Variants in NFKB2 observed in about 807,000 individuals in gnomAD.
The protein encoded by NFKB2 is nuclear factor NF-kappa-B p100 subunit.
NFKB2 carries 21 observed loss-of-function variants against 109.3 expected under a neutral mutation model. That is an observed-to-expected ratio of 0.19 (90% CI 0.14 to 0.28). The LOEUF (loss-of-function observed/expected upper bound fraction) is 0.28, where lower values mean the gene tolerates loss of function less well. Ranked by LOEUF, NFKB2 falls within the 10% of genes least tolerant of loss-of-function variation. The pLI is 1.00. For missense variants in NFKB2, 806 were observed against 1,185.3 expected (o/e 0.68, Z 4.70); for synonymous variants, 478 against 489.9 (o/e 0.98, Z 0.32).
At chr10:102,399,959 T>A in intron 14 of NFKB2, 121 bp from the exon 15 acceptor site, 1 of 1,133,216 alleles carries the variant, frequency 8.8e-7, no homozygotes, top group South Asian at 1.4e-5. Flanking sequence ...GGCACAGCGA[T>A]GCCCTGGGCC....
chr10:102,399,400 G>A lies in NFKB2; in HGVS notation c.1230G>A (p.Thr410=), dbSNP rs2135434966. The change falls in exon 13 of 23, where the codon ACG becomes ACA. Residue 410 remains threonine, a synonymous_variant. Transcript: ENST00000661543. ...GGGGGAQMAA[T]VPSRDSGEEA... ...GGGGCGGGGCGCAGATGGCCGCCACGGTGCCCAGCAGGGACTCCGGGGAGG... is the reference window on the plus strand; with the variant it reads ...GGGGCGGGGCGCAGATGGCCGCCACAGTGCCCAGCAGGGACTCCGGGGAGG... 1.9e-6 allele frequency: 3 copies of A among 1,540,090 alleles called. No individual in the cohort carries two copies. The highest frequency in any genetic ancestry group is 2.6e-6 in the Non-Finnish European group (3 of 1,141,986).
Position 102,398,984 on chromosome 10 carries a change from A to T in NFKB2, c.1117+120A>T. 1 of 1,136,492 alleles carries T rather than the reference A, an allele frequency of 8.8e-7. No homozygotes were observed. The highest frequency in any genetic ancestry group is 1.2e-6 in the Non-Finnish European group (1 of 810,336). The allele number at this position is 1,136,492 out of a possible 1,614,324, so 70.4% of individuals were successfully genotyped here. A position where few individuals can be genotyped will look rare whatever the true frequency, so the allele number is the denominator to read the frequency against. On this transcript the variant is annotated intron_variant, in intron 12 of 22. Coordinates refer to ENST00000661543, the MANE Select transcript of NFKB2 (RefSeq NM_001322934.2). This position sits in a 1 kb window ranked among gnomAD's most constrained non-coding sequence, Gnocchi z 6.6. The stretch of plus-strand genomic sequence containing the variant: ...ATCCAGCCCTTTGGGAGGCCAAGGC[A>T]GGCAGATTACCTGAGATCAGGAGTT...
rs1171648994 is a variant in NFKB2, at chr10:102,401,117, C to T, written c.2072-63C>T. On this transcript the variant is annotated intron_variant, in intron 18 of 22. Coordinates refer to ENST00000661543, the MANE Select transcript of NFKB2 (RefSeq NM_001322934.2). The surrounding 1 kb of genome is among the most constrained non-coding windows in gnomAD (Gnocchi z 4.2). ...GGGAGAGAGGTGCCTCCCAGTCCCC[C>T]GACTTTGCAGTCCTTAATGTAGGCC... 22 of 1,610,228 alleles carry T rather than the reference C, an allele frequency of 1.4e-5. No homozygotes were observed. The highest frequency in any genetic ancestry group is 1.5e-5 in the Non-Finnish European group (18 of 1,177,312).
intron 14 of NFKB2, 109 bp downstream of exon 14, chr10:102,399,827 T>G: frequency 7.1e-7 from 1 of 1,405,672 alleles, no homozygotes. Context: ...AAGTCCGGCC[T>G]CGGTGTTCAC....
upstream of NFKB2, among the ~76,000 whole-genome samples, chr10:102,395,273 C>T (rs1055124909): frequency 1.1e-4 from 16 of 152,308 alleles, no homozygotes; most frequent in African/African-American, 3.8e-4. Flanking sequence ...GGGCAGAACC[C>T]CGGGGCCTCC....
chr10:102,397,437 G>C lies in NFKB2; in HGVS notation c.502+29G>C. On this transcript the variant is annotated intron_variant, in intron 7 of 22. Transcript: ENST00000661543. This position sits in a 1 kb window ranked among gnomAD's most constrained non-coding sequence, Gnocchi z 4.7. ...TGGGTGCAGGGGGTGGGTCGGGTAT[G>C]GGTGCAGGGGGTGGGTGGGTCATGG... 6.3e-7 allele frequency: 1 copy of C among 1,586,158 alleles called. No homozygotes were observed. The highest frequency in any genetic ancestry group is 8.6e-7 in the Non-Finnish European group (1 of 1,167,604).
chr10:102,401,797 A>G lies in NFKB2; in HGVS notation c.2346A>G (p.Leu782=). The change falls in exon 21 of 23, where the codon CTA becomes CTG. Residue 782 remains leucine, a synonymous_variant. Coordinates refer to ENST00000661543, the MANE Select transcript of NFKB2 (RefSeq NM_001322934.2). The surrounding 1 kb of genome is among the most constrained non-coding windows in gnomAD (Gnocchi z 4.2). ...DTALQNLEQL[L]DGPEAQGSWA... is the part of the protein sequence containing the mutation. ...CTCTGCAGAACCTGGAGCAGCTGCTAGACGGGCCAGAAGCCCAGGGCAGCT... is the reference window on the plus strand; with the variant it reads ...CTCTGCAGAACCTGGAGCAGCTGCTGGACGGGCCAGAAGCCCAGGGCAGCT... The G allele has an allele frequency of 6.2e-7, 1 of 1,613,726 alleles. No individual in the cohort carries two copies.
In NFKB2 at chr10:102,396,998, A is replaced by C; in HGVS notation, c.338A>C (p.Gln113Pro). 6.2e-7 allele frequency: 1 copy of C among 1,613,776 alleles called. No homozygotes were observed. The highest frequency in any genetic ancestry group is 1.3e-5 in the African/African-American group (1 of 75,038). Reference protein sequence around the residue: ...RAHAHSLVGKQCSELGICAVS... With the variant: ...RAHAHSLVGKPCSELGICAVS... ...CATGCCCACAGTCTGGTGGGCAAGC[A>C]ATGCTCGGAGCTGGGGATCTGCGCC... The change falls in exon 6 of 23, where the codon CAA becomes CCA. Residue 113 changes from glutamine (Q) to proline (P), a missense_variant. This residue lies in a region of NFKB2 where 62 missense variants were observed against 102.2 expected (regional missense o/e 0.61). Transcript: ENST00000661543. The surrounding 1 kb of genome is among the most constrained non-coding windows in gnomAD (Gnocchi z 5.9).
In NFKB2 at chr10:102,399,429, C is replaced by A. The variant is rs751170175; in HGVS notation, c.1259C>A (p.Ala420Asp). Residue 420 changes from alanine to aspartate, a missense_variant, in exon 13 of 23, where the codon GCC becomes GAC. Transcript: ENST00000661543. ...TVPSRDSGEEAAEPSAPSRTP... is the reference protein window; with the variant it reads ...TVPSRDSGEEDAEPSAPSRTP... Reference sequence around the variant, plus strand: ...CCCAGCAGGGACTCCGGGGAGGAAGCCGCGGAGCCAAGCGCCCCCTCCAGG... The same window carrying A: ...CCCAGCAGGGACTCCGGGGAGGAAGACGCGGAGCCAAGCGCCCCCTCCAGG... 1 of 1,520,628 alleles carries A rather than the reference C, an allele frequency of 6.6e-7. No individual in the cohort carries two copies. The highest frequency in any genetic ancestry group is 8.8e-7 in the Non-Finnish European group (1 of 1,131,970). 94.2% of individuals were successfully genotyped at this position (1,520,628 alleles called of 1,614,324 possible). A position where few individuals can be genotyped will look rare whatever the true frequency, so the allele number is the denominator to read the frequency against.
rs749788345 is a variant in NFKB2 at position 102,400,248 on chromosome 10, G to A, written c.1585-30G>A. On this transcript the variant is annotated intron_variant, in intron 15 of 22. Transcript: ENST00000661543. This position sits in a 1 kb window ranked among gnomAD's most constrained non-coding sequence, Gnocchi z 6.3. ...AGGGGTTGGAAGGCAAGTGGGTCTC[G>A]GGCCTGGCTCACCCTGCTTTCATCC... 2.5e-6 allele frequency: 4 copies of A among 1,613,858 alleles called. No homozygotes were observed. The South Asian group carries it at 3.3e-5, about 13-fold the overall frequency.
Position 102,398,936 on chromosome 10 carries a change from G to T in NFKB2, c.1117+72G>T. The T allele has an allele frequency of 6.7e-7, 1 of 1,492,054 alleles. No individual in the cohort carries two copies. The highest frequency in any genetic ancestry group is 1.3e-5 in the South Asian group (1 of 79,234). The allele number at this position is 1,492,054 out of a possible 1,614,324, so 92.4% of individuals were successfully genotyped here. A position where few individuals can be genotyped will look rare whatever the true frequency, so the allele number is the denominator to read the frequency against. Reference sequence around the variant, plus strand: ...GGAGGAAAAAAATCTGGGGGAGGCCGGGCGTGGTGGCTCACGCCTGTAATC... The same window carrying T: ...GGAGGAAAAAAATCTGGGGGAGGCCTGGCGTGGTGGCTCACGCCTGTAATC... On this transcript the variant is annotated intron_variant, in intron 12 of 22. Transcript: ENST00000661543. This position sits in a 1 kb window ranked among gnomAD's most constrained non-coding sequence, Gnocchi z 6.6.
chr10:102,396,893 G>A lies in NFKB2; in HGVS notation c.244-11G>A, dbSNP rs370015116. The A allele has an allele frequency of 1.9e-6, 3 of 1,600,476 alleles. No individual in the cohort carries two copies. In the African/African-American group the frequency reaches 4.0e-5, roughly 21 times the overall value. On this transcript the variant is annotated splice_polypyrimidine_tract_variant and intron_variant, in intron 5 of 22. Coordinates refer to ENST00000661543, the MANE Select transcript of NFKB2 (RefSeq NM_001322934.2). This position sits in a 1 kb window ranked among gnomAD's most constrained non-coding sequence, Gnocchi z 5.9. Reference sequence around the variant, plus strand: ...CCCAAGGCCCTGACTGACAGTCCCTGCCTCTCCTAGATCTGTAACTACGAG... The same window carrying A: ...CCCAAGGCCCTGACTGACAGTCCCTACCTCTCCTAGATCTGTAACTACGAG...
chr10:102,400,968 C>A lies in NFKB2; in HGVS notation c.1990C>A (p.Arg664Ser), dbSNP rs762260947. The A allele has an allele frequency of 6.2e-7, 1 of 1,613,708 alleles. No homozygotes were observed. The change falls in exon 18 of 23, where the codon CGC becomes AGC. Residue 664 changes from arginine to serine, a missense_variant. Coordinates refer to ENST00000661543, the MANE Select transcript of NFKB2 (RefSeq NM_001322934.2). The surrounding 1 kb of genome is among the most constrained non-coding windows in gnomAD (Gnocchi z 6.3). ...CCAGCTCCGGGCCAACGTGAACGCT[C>A]GCACCTTTGCGGGAAACACACCCCT... ...VTKLRANVNA[R>S]TFAGNTPLHL...
Position 102,401,585 on chromosome 10 carries a change from G to A in NFKB2, c.2293+67G>A, listed in dbSNP as rs2061251715. On this transcript the variant is annotated intron_variant, in intron 20 of 22. Transcript: ENST00000661543. This position sits in a 1 kb window ranked among gnomAD's most constrained non-coding sequence, Gnocchi z 4.2. ...CTCACAGAGGTCTCTTCTCCTTCAGGACCTCTGAAGGAGGCCTCCCTTTCT... is the reference window on the plus strand; with the variant it reads ...CTCACAGAGGTCTCTTCTCCTTCAGAACCTCTGAAGGAGGCCTCCCTTTCT... 1 of 1,551,682 alleles carries A rather than the reference G, an allele frequency of 6.4e-7. No individual in the cohort carries two copies. The highest frequency in any genetic ancestry group is 8.8e-7 in the Non-Finnish European group (1 of 1,131,372).
chr10:102,395,419 G>C (rs2135426466), upstream of NFKB2, among the ~76,000 whole-genome samples: 1 of 152,304 alleles, frequency 6.6e-6, no homozygotes, highest in East Asian at 1.9e-4. Context: ...GCTCCAGACC[G>C]GGGGAGGGGA....
rs757846746 is a variant in NFKB2, at chr10:102,396,352, C to T, written c.103+18C>T. 2 of 1,613,690 alleles carry T rather than the reference C, an allele frequency of 1.2e-6. No individual in the cohort carries two copies. Among genetic ancestry groups the T allele is most frequent in the Admixed American group, 3.3e-5 (2 of 60,020 alleles). On this transcript the variant is annotated intron_variant, in intron 3 of 22. Transcript: ENST00000661543. This position sits in a 1 kb window ranked among gnomAD's most constrained non-coding sequence, Gnocchi z 5.9. ...AGAAACAGGTCAGCAAGTTCACTAA[C>T]CTCCCCTAGTCCTAAAGCGGGGGAG...
At position 102,401,169 on chromosome 10, in the gene NFKB2, C is replaced by T. The variant is rs768805741; in HGVS notation, c.2072-11C>T. 6.3e-7 allele frequency: 1 copy of T among 1,590,102 alleles called. No homozygotes were observed. The highest frequency in any genetic ancestry group is 8.6e-7 in the Non-Finnish European group (1 of 1,164,696). On this transcript the variant is annotated splice_polypyrimidine_tract_variant and intron_variant, in intron 18 of 22. Transcript: ENST00000661543. This position sits in a 1 kb window ranked among gnomAD's most constrained non-coding sequence, Gnocchi z 4.2. ...CCACCATACCGCCCCATGACGGCCT[C>T]CCTCTCCCAGGTGCTGACATCCATG...
At chr10:102,395,618 A>T (rs1028464735), upstream of NFKB2, 1 of 449,708 alleles carries the variant, frequency 2.2e-6, no homozygotes, top group African/African-American at 2.0e-5. Flanking sequence ...TCCCGTCGCG[A>T]GGGCGGGGCC....
chr10:102,394,993 T>C (rs1199651850), upstream of NFKB2, among the ~76,000 whole-genome samples: 1 of 151,456 alleles, frequency 6.6e-6, no homozygotes, highest in African/African-American at 2.4e-5. Flanking sequence ...TCTACACACA[T>C]GCTCGCTTGC....
Sources: allele counts gnomAD v4.1 joint callset (sites outside exome capture counted in the v4.1 genomes callset), GRCh38; gene constraint gnomAD v4.1.1; regional missense constraint gnomAD v4.1.1; non-coding constraint Gnocchi (gnomAD v3.1); transcripts MANE v1.5; gene names NCBI Gene and HGNC (gene_info 2026-07-23, HGNC 2026-07-21).